TBC1D4: variants seen among roughly 807,000 people sequenced by gnomAD.
TBC1D4 encodes TBC1 domain family member 4, also known as TBC (Tre-2, BUB2, CDC16) domain-containing protein.
In TBC1D4, 121 loss-of-function variants were observed where a neutral mutation model predicts 142.5. The ratio of observed to expected loss-of-function variants is 0.85; its 90% CI spans 0.73 to 0.99. The LOEUF is 0.99. Among genes scored for constraint, TBC1D4 ranks in the 50% least tolerant of loss-of-function variants. The pLI is 0.00. For missense variants in TBC1D4, 1,475 were observed against 1,606.6 expected, an observed-to-expected ratio of 0.92 and a Z score of 1.40; for synonymous variants, 630 against 628.2, an observed-to-expected ratio of 1.00 and a Z score of -0.04.
intron 1 of TBC1D4, among the ~76,000 whole-genome samples, chr13:75,432,459 A>G (rs1293276648): frequency 6.6e-6 from 1 of 152,154 alleles, no homozygotes; most frequent in Non-Finnish European, 1.5e-5. Context: ...ACAAATAAAT[A>G]AAACATCATG....
At chr13:75,369,015 G>T (rs910862542) in intron 1 of TBC1D4, among the ~76,000 whole-genome samples, 1 of 151,998 alleles carries the variant, frequency 6.6e-6, no homozygotes, top group African/African-American at 2.4e-5. Context: ...CTGCACTCCA[G>T]CCTGAGCAAC....
At chr13:75,438,523 A>G (rs913071324) in intron 1 of TBC1D4, among the ~76,000 whole-genome samples, 2 of 152,224 alleles carry the variant, frequency 1.3e-5, no homozygotes, top group Admixed American at 1.3e-4. Flanking sequence ...TCAGTTTTAG[A>G]AAGTCTAGCC....
intron 1 of TBC1D4, among the ~76,000 whole-genome samples, chr13:75,364,558 C>G (rs1278357995): frequency 6.6e-6 from 1 of 152,222 alleles, no homozygotes; most frequent in Non-Finnish European, 1.5e-5. Flanking sequence ...CAACCTCAAC[C>G]CTTCATCATT....
chr13:75,449,654 C>T (rs1427804793), intron 1 of TBC1D4, among the ~76,000 whole-genome samples: 3 of 148,162 alleles, frequency 2.0e-5, no homozygotes, highest in Admixed American at 6.7e-5. Flanking sequence ...GGTGTGATCT[C>T]GGCTCATTGC....
chr13:75,423,821 T>C (rs892859252), intron 1 of TBC1D4, among the ~76,000 whole-genome samples: 7 of 152,136 alleles, frequency 4.6e-5, no homozygotes, highest in Admixed American at 2.0e-4. Context: ...AAATTACAGA[T>C]GGGATGGGTG....
At chr13:75,354,414 G>A (rs1409362064) in intron 4 of TBC1D4, among the ~76,000 whole-genome samples, 1 of 152,174 alleles carries the variant, frequency 6.6e-6, no homozygotes, top group Non-Finnish European at 1.5e-5. Context: ...CCTAGAATCG[G>A]GTAGCAAAGA....
chr13:75,425,494 A>G (rs1289010972), intron 1 of TBC1D4, among the ~76,000 whole-genome samples: 1 of 152,236 alleles, frequency 6.6e-6, no homozygotes, highest in African/African-American at 2.4e-5. Flanking sequence ...TGACATCAGT[A>G]TGTTGAAAAG....
chr13:75,435,806 G>T (rs141400313), intron 1 of TBC1D4, among the ~76,000 whole-genome samples: 25 of 152,272 alleles, frequency 1.6e-4, no homozygotes, highest in African/African-American at 6.0e-4. Context: ...AATAACTAGG[G>T]TATGGGAAGA....
At chr13:75,466,738 G>A (rs1888183652) in intron 1 of TBC1D4, among the ~76,000 whole-genome samples, 1 of 151,958 alleles carries the variant, frequency 6.6e-6, no homozygotes, top group Non-Finnish European at 1.5e-5. Context: ...GGGCATGGTG[G>A]TGCATGCCTG....
chr13:75,449,532 AAC>A (rs34025489), intron 1 of TBC1D4, among the ~76,000 whole-genome samples: 91,932 of 149,088 alleles, frequency 0.62, 29,209 homozygotes, highest in East Asian at 0.9. Flanking sequence ...GTGAAACTGC[AAC>A]ACACACACAC....
intron 1 of TBC1D4, among the ~76,000 whole-genome samples, chr13:75,456,530 A>G (rs1451915211): frequency 1.3e-5 from 2 of 152,158 alleles, no homozygotes; most frequent in Non-Finnish European, 2.9e-5. Flanking sequence ...CAAATGGCCA[A>G]TGCATATGAA....
intron 15 of TBC1D4, among the ~76,000 whole-genome samples, chr13:75,304,451 T>G (rs1232301484): frequency 1.3e-5 from 2 of 152,194 alleles, no homozygotes; most frequent in Non-Finnish European, 2.9e-5. Flanking sequence ...TGCAAGATAC[T>G]GTCTTAGGTG....
intron 3 of TBC1D4, among the ~76,000 whole-genome samples, chr13:75,358,821 G>A (rs1243096235): frequency 2.0e-5 from 3 of 152,038 alleles, no homozygotes; most frequent in Non-Finnish European, 2.9e-5. Flanking sequence ...CCATGATCAC[G>A]CCACTGCAAT....
chr13:75,318,765 G>A (rs1343567099), intron 12 of TBC1D4, among the ~76,000 whole-genome samples: 3 of 152,176 alleles, frequency 2.0e-5, no homozygotes, highest in African/African-American at 7.2e-5. Flanking sequence ...AGATTAGTCA[G>A]TGGAACAACG....
intron 1 of TBC1D4, among the ~76,000 whole-genome samples, chr13:75,399,370 C>T (rs761046795): frequency 5.5e-4 from 84 of 152,150 alleles, no homozygotes; most frequent in Non-Finnish European, 1.0e-3. Context: ...ACCTGTTCTA[C>T]AGTACTGTAA....
intron 1 of TBC1D4, among the ~76,000 whole-genome samples, chr13:75,434,477 G>C (rs1461684211): frequency 6.6e-6 from 1 of 152,044 alleles, no homozygotes; most frequent in East Asian, 1.9e-4. Flanking sequence ...GGAACACAAA[G>C]AAGGAAACTA....
At chr13:75,390,738 C>T (rs1884428395) in intron 1 of TBC1D4, among the ~76,000 whole-genome samples, 1 of 151,322 alleles carries the variant, frequency 6.6e-6, no homozygotes, top group South Asian at 2.1e-4. Context: ...TATAAGGCAG[C>T]AATTGTCAAA....
At chr13:75,319,561 G>A (rs1461012691) in intron 12 of TBC1D4, among the ~76,000 whole-genome samples, 1 of 152,178 alleles carries the variant, frequency 6.6e-6, no homozygotes, top group African/African-American at 2.4e-5. Flanking sequence ...AGGAATTTAG[G>A]TGAACAGAAA....
chr13:75,480,838 A>G (rs926833317), intron 1 of TBC1D4, among the ~76,000 whole-genome samples: 1 of 151,514 alleles, frequency 6.6e-6, no homozygotes. Flanking sequence ...TAGGAACCCA[A>G]CCTTCTGCGT....
Sources: allele counts gnomAD v4.1 joint callset (sites outside exome capture counted in the v4.1 genomes callset), GRCh38; gene constraint gnomAD v4.1.1; transcripts MANE v1.5; gene names NCBI Gene and HGNC (gene_info 2026-07-23, HGNC 2026-07-21).